The following TBC1D9 variants were observed in gnomAD, a reference collection of about 807,000 sequenced individuals.
TBC1D9 encodes the protein TBC1 domain family member 9.
TBC1D9 carries 63 observed loss-of-function variants against 132.0 expected under a neutral mutation model. The ratio of observed to expected loss-of-function variants is 0.48; its 90% CI spans 0.39 to 0.59. The LOEUF is 0.59. TBC1D9 is among the 20% of genes least tolerant of loss of function. TBC1D9 has a pLI of 0.00. For missense variants in TBC1D9, 1,261 were observed against 1,592.7 expected (o/e 0.79, Z 3.54); for synonymous variants, 610 against 609.9 (o/e 1.00, Z 0.00).
chr4:140,744,320 G>A (rs370250170), intron 1 of TBC1D9, among the ~76,000 whole-genome samples: 1 of 152,054 alleles, frequency 6.6e-6, no homozygotes, highest in South Asian at 2.1e-4. Flanking sequence ...TGACTGAATG[G>A]ACCCTTTCTC....
chr4:140,643,360 G>C, intron 13 of TBC1D9: 2 of 1,312,422 alleles, frequency 1.5e-6, no homozygotes, highest in Non-Finnish European at 2.1e-6. Context: ...GTAGCACCTG[G>C]GGAGGGCAGA....
At chr4:140,645,303 G>C (rs1737086799) in intron 13 of TBC1D9, 2 of 508,620 alleles carry the variant, frequency 3.9e-6, no homozygotes, top group Non-Finnish European at 3.9e-6. Context: ...GGGTGCTCCT[G>C]GTCTGCCAGC....
chr4:140,755,889 C>T (rs563823894), intron 1 of TBC1D9, 27 bp downstream of exon 1: 2 of 1,524,956 alleles, frequency 1.3e-6, no homozygotes, highest in African/African-American at 1.4e-5. Flanking sequence ...CGGCTCCCCT[C>T]CTGCAGGGAT....
chr4:140,670,802 A>C lies in TBC1D9; in HGVS notation c.1184T>G (p.Ile395Ser). The change falls in exon 7 of 21, where the codon ATC becomes AGC. Residue 395 changes from isoleucine (I) to serine (S), a missense_variant. Ile to Ser is a moderately radical substitution (Grantham distance 142, BLOSUM62 -2). Transcript: ENST00000442267. ...LKDRDFLVQR[I>S]SDFLQQTTSK... is the part of the protein sequence containing the mutation. ...AGTAGTCTGTTGCAGGAAATCTGAGATCCTCTGCACTAGAAAGTCTCTATC... is the reference window on the plus strand; with the variant it reads ...AGTAGTCTGTTGCAGGAAATCTGAGCTCCTCTGCACTAGAAAGTCTCTATC... 6.2e-7 allele frequency: 1 copy of C among 1,614,004 alleles called. No homozygotes were observed.
At chr4:140,675,235 T>C (rs112519811) in intron 6 of TBC1D9, among the ~76,000 whole-genome samples, 1 of 15,180 alleles carries the variant, frequency 6.6e-5, no homozygotes, top group Non-Finnish European at 1.4e-4. Flanking sequence ...TTTGTCTGTA[T>C]TTTACAAATT....
chr4:140,622,649 C>A lies in TBC1D9; in HGVS notation c.3347G>T (p.Ser1116Ile), dbSNP rs556918450. The change falls in exon 21 of 21, where the codon AGC (serine) becomes ATC (isoleucine). Residue 1116 changes from serine (S) to isoleucine (I), a missense_variant. Physicochemically the swap from Ser to Ile is moderately radical, Grantham distance 142. Coordinates refer to ENST00000442267, the MANE Select transcript of TBC1D9 (RefSeq NM_015130.3). ...GTGTTCCTCGCTGTCGGGGGCCAGG[C>A]TGGCCGGCAGGGGCTCAACAGACTC... ...VVESVEPLPA[S>I]LAPDSEEHSL... 1 of 1,610,166 alleles carries A rather than the reference C, an allele frequency of 6.2e-7. No homozygotes were observed. Among genetic ancestry groups the A allele is most frequent in the African/African-American group, 1.3e-5 (1 of 75,026 alleles).
At chr4:140,630,941 A>G (rs1397814063) in intron 16 of TBC1D9, among the ~76,000 whole-genome samples, 1 of 152,242 alleles carries the variant, frequency 6.6e-6, no homozygotes, top group Non-Finnish European at 1.5e-5. Flanking sequence ...TCGTGCAAAT[A>G]AGGATGCAAC....
At chr4:140,691,670 G>A (rs973420604) in intron 2 of TBC1D9, among the ~76,000 whole-genome samples, 1 of 152,210 alleles carries the variant, frequency 6.6e-6, no homozygotes, top group African/African-American at 2.4e-5. Context: ...GCACTCTGCT[G>A]TGGCTAAAAA....
At chr4:140,669,526 G>C (rs1294404400) in intron 8 of TBC1D9, 108 bp downstream of exon 8, 5 of 1,240,934 alleles carry the variant, frequency 4.0e-6, no homozygotes, top group Admixed American at 2.6e-5. Context: ...TAACTTATAG[G>C]AAAATCTCCA....
At chr4:140,739,243 C>T (rs1738722535) in intron 1 of TBC1D9, among the ~76,000 whole-genome samples, 1 of 152,102 alleles carries the variant, frequency 6.6e-6, no homozygotes, top group Admixed American at 6.6e-5. Context: ...TGCCCACCTC[C>T]CAAAGTGCTG....
At chr4:140,645,141 G>A in intron 13 of TBC1D9, 1 of 559,670 alleles carries the variant, frequency 1.8e-6, no homozygotes, top group South Asian at 1.5e-5. Context: ...GTGCACGTGG[G>A]CCAGGTCAGC....
At chr4:140,723,981 G>A (rs779837981) in intron 1 of TBC1D9, among the ~76,000 whole-genome samples, 16 of 152,042 alleles carry the variant, frequency 1.1e-4, no homozygotes, top group Admixed American at 1.0e-3. Context: ...TGCTTCAAGC[G>A]ATCCTCCCAC....
rs778747040 is a variant in TBC1D9, at chr4:140,622,446, C to T, written c.3550G>A (p.Gly1184Arg). 8.7e-6 allele frequency: 14 copies of T among 1,613,856 alleles called. No individual in the cohort carries two copies. Among genetic ancestry groups the T allele is most frequent in the East Asian group, 2.2e-5 (1 of 44,890 alleles). The change falls in exon 21 of 21, where the codon GGA becomes AGA. Residue 1184 changes from glycine (G) to arginine (R), a missense_variant. By Grantham distance (125) the Gly-to-Arg change is moderately radical (BLOSUM62 -2). Coordinates refer to ENST00000442267, the MANE Select transcript of TBC1D9 (RefSeq NM_015130.3). ...EEDKLHCEDI[G>R]EDTVLVRSGQ... ...CTCCGCACCAGGACCGTGTCCTCTC[C>T]GATGTCCTCGCAGTGCAGCTTGTCC...
chr4:140,665,959 C>T (rs962852827), intron 9 of TBC1D9, among the ~76,000 whole-genome samples: 1 of 152,090 alleles, frequency 6.6e-6, no homozygotes, highest in African/African-American at 2.4e-5. Context: ...GCTGGGATTA[C>T]AAGCATGAGC....
chr4:140,688,313 G>T (rs1018519143), intron 2 of TBC1D9, among the ~76,000 whole-genome samples: 2 of 152,164 alleles, frequency 1.3e-5, no homozygotes, highest in African/African-American at 4.8e-5. Flanking sequence ...AGTCACCTGG[G>T]TGACTTTAGA....
intron 2 of TBC1D9, among the ~76,000 whole-genome samples, chr4:140,696,156 C>T (rs908687230): frequency 1.3e-5 from 2 of 150,988 alleles, no homozygotes; most frequent in African/African-American, 2.4e-5. Context: ...GATAAACTAA[C>T]AGAAGATAAA....
intron 1 of TBC1D9, among the ~76,000 whole-genome samples, chr4:140,722,110 T>C (rs761210591): frequency 1.3e-5 from 2 of 152,114 alleles, no homozygotes; most frequent in Admixed American, 6.5e-5. Context: ...GTTCAATTCA[T>C]AGTAGCAGGG....
chr4:140,641,977 G>T lies in TBC1D9; in HGVS notation c.2338-2549C>A, dbSNP rs145396899. On this transcript the variant is annotated intron_variant, in intron 13 of 20. Transcript: ENST00000442267. ...GTAACCTTAGTCAAATGAATCTTCC[G>T]AAGAGTCGCTGAAGGAGGAATGCAC... 176 of 568,914 alleles carry T rather than the reference G, an allele frequency of 3.1e-4. No individual in the cohort carries two copies. In the East Asian group the frequency reaches 4.0e-3, roughly 13 times the overall value. 35.2% of individuals were successfully genotyped at this position (568,914 alleles called of 1,614,324 possible).
intron 1 of TBC1D9, among the ~76,000 whole-genome samples, chr4:140,743,828 A>T (rs960192760): frequency 6.6e-6 from 1 of 152,192 alleles, no homozygotes; most frequent in Non-Finnish European, 1.5e-5. Flanking sequence ...CTCTCTGTGC[A>T]TGAGGAAGGC....
Sources: allele counts gnomAD v4.1 joint callset (sites outside exome capture counted in the v4.1 genomes callset), GRCh38; gene constraint gnomAD v4.1.1; transcripts MANE v1.5; gene names NCBI Gene and HGNC (gene_info 2026-07-23, HGNC 2026-07-21).